Variants in HIP1 observed in about 807,000 individuals in gnomAD.
HIP1 encodes huntingtin-interacting protein 1.
A neutral mutation model predicts 147.6 loss-of-function variants in HIP1; 65 were observed. The ratio of observed to expected loss-of-function variants is 0.44; its 90% CI spans 0.36 to 0.54. The LOEUF (loss-of-function observed/expected upper bound fraction) is 0.54, where lower values mean the gene tolerates loss of function less well. HIP1 is among the 20% of genes least tolerant of loss of function. The pLI, the probability that HIP1 is intolerant of heterozygous loss-of-function variation, is 0.00. For missense variants in HIP1, 1,061 were observed against 1,299.6 expected (o/e 0.82, Z 2.82); for synonymous variants, 479 against 504.0 (o/e 0.95, Z 0.67).
chr7:75,537,182 C>G lies in HIP1; in HGVS notation c.*990G>C, dbSNP rs144924500. The G allele has an allele frequency of 8.6e-6, 2 of 232,804 alleles. No individual in the cohort carries two copies. Among genetic ancestry groups the G allele is most frequent in the African/African-American group, 4.4e-5 (2 of 45,422 alleles). 14.4% of individuals were successfully genotyped at this position (232,804 alleles called of 1,614,324 possible). A position where few individuals can be genotyped will look rare whatever the true frequency, so the allele number is the denominator to read the frequency against. ...TCAAGCATGTGATCAAGTTTTTGAG[C>G]CTCGTCACGGGAACTGGGCTGTGTG... On this transcript the variant is annotated 3_prime_UTR_variant, in exon 31 of 31. Transcript: ENST00000336926.
chr7:75,696,177 G>A (rs1332402761), intron 1 of HIP1, among the ~76,000 whole-genome samples: 12 of 150,616 alleles, frequency 8.0e-5, no homozygotes, highest in Non-Finnish European at 1.8e-4. Context: ...TTGTAGGGAT[G>A]GGTTCTCACT....
chr7:75,723,242 C>T (rs1554521924), intron 1 of HIP1, among the ~76,000 whole-genome samples: 1 of 152,030 alleles, frequency 6.6e-6, no homozygotes, highest in Non-Finnish European at 1.5e-5. Flanking sequence ...TGTGGTGGTG[C>T]GTCCCTGTAA....
rs1451814684 is a variant in HIP1 at position 75,535,123 on chromosome 7, T to C, written c.*3049A>G. The C allele has an allele frequency of 2.3e-5, 5 of 216,428 alleles. No homozygotes were observed. The highest frequency in any genetic ancestry group is 1.1e-4 in the African/African-American group (5 of 44,438). The allele number at this position is 216,428 out of a possible 1,614,324, so 13.4% of individuals were successfully genotyped here. ...GTGACATCTGACAGCTACTTCCTCA[T>C]GTGACACTGAATTAGCCTCTGCTTC... On this transcript the variant is annotated 3_prime_UTR_variant, in exon 31 of 31. Transcript: ENST00000336926.
intron 12 of HIP1, 141 bp from the exon 13 acceptor site, chr7:75,561,542 T>C: frequency 4.5e-6 from 3 of 662,950 alleles, no homozygotes; most frequent in Middle Eastern, 3.3e-4. Flanking sequence ...ACTCTAAATG[T>C]TACCAGATAC....
rs572192243 is a variant in HIP1 at position 75,730,585 on chromosome 7, C to A, written c.120+8216G>T. 3.3e-5 allele frequency among the ~76,000 whole-genome samples: 5 copies of A among 151,972 alleles called. No individual in the cohort carries two copies. The East Asian group carries it at 9.7e-4, about 30-fold the overall frequency. ...AACACCTGACCTCAGGTGATCCACC[C>A]GCCTCGGCCTCCCAAAGTGCTGGGA... On this transcript the variant is annotated intron_variant, in intron 1 of 30. Transcript: ENST00000336926.
chr7:75,615,440 T>C (rs1554505801), intron 1 of HIP1, among the ~76,000 whole-genome samples: 2 of 152,076 alleles, frequency 1.3e-5, no homozygotes, highest in Non-Finnish European at 2.9e-5. Context: ...TAGTGGTGGC[T>C]ACTTGGGAGG....
chr7:75,557,370 C>T (rs1395831477), intron 16 of HIP1, among the ~76,000 whole-genome samples: 2 of 152,088 alleles, frequency 1.3e-5, no homozygotes, highest in Non-Finnish European at 2.9e-5. Flanking sequence ...ACGCTCATCC[C>T]TCTCTCTCTG....
At chr7:75,638,073 T>TC (rs1798506047) in intron 1 of HIP1, among the ~76,000 whole-genome samples, 1 of 117,738 alleles carries the variant, frequency 8.5e-6, no homozygotes, top group African/African-American at 3.3e-5. Flanking sequence ...CCTGATTGCC[T>TC]CCCCCCTCCC....
chr7:75,673,023 C>CT (rs35559075), intron 1 of HIP1, among the ~76,000 whole-genome samples: 77,960 of 143,682 alleles, frequency 0.54, 21,213 homozygotes, highest in African/African-American at 0.59. Context: ...AGTCCACCAA[C>CT]TTTTTTTTTT....
At chr7:75,641,403 G>A (rs1346301281) in intron 1 of HIP1, among the ~76,000 whole-genome samples, 2 of 151,960 alleles carry the variant, frequency 1.3e-5, no homozygotes, top group East Asian at 1.9e-4. Flanking sequence ...GATTACAGGT[G>A]TGAGCCACCA....
chr7:75,623,772 G>C (rs887605001), intron 1 of HIP1, among the ~76,000 whole-genome samples: 1 of 152,086 alleles, frequency 6.6e-6, no homozygotes, highest in Non-Finnish European at 1.5e-5. Flanking sequence ...TTTCTGGCTT[G>C]TAAAGTGTTT....
chr7:75,553,162 T>C (rs1554492437), intron 22 of HIP1, among the ~76,000 whole-genome samples: 1 of 152,106 alleles, frequency 6.6e-6, no homozygotes, highest in Non-Finnish European at 1.5e-5. Flanking sequence ...GGTCTCTAGC[T>C]CTTGACCTCA....
At chr7:75,632,972 C>T (rs587748157) in intron 1 of HIP1, among the ~76,000 whole-genome samples, 2 of 152,144 alleles carry the variant, frequency 1.3e-5, no homozygotes, top group South Asian at 4.1e-4. Flanking sequence ...CACATGGACA[C>T]GTGGCAGGGA....
intron 22 of HIP1, among the ~76,000 whole-genome samples, chr7:75,552,363 T>C (rs782448118): frequency 1.3e-5 from 2 of 152,180 alleles, no homozygotes; most frequent in Non-Finnish European, 2.9e-5. Context: ...TATTTATTTA[T>C]AGCAGAGGCA....
chr7:75,647,334 G>A (rs1252792000), intron 1 of HIP1, among the ~76,000 whole-genome samples: 1 of 147,886 alleles, frequency 6.8e-6, no homozygotes, highest in East Asian at 2.1e-4. Context: ...GGAAGCAAAA[G>A]TTGCAGTGAG....
At chr7:75,544,630 T>C (rs587669928) in intron 27 of HIP1, 65 bp downstream of exon 27, 1 of 991,654 alleles carries the variant, frequency 1.0e-6, no homozygotes, top group Non-Finnish European at 1.6e-6. Context: ...CAAGTACTCT[T>C]TAACCTAGCC....
intron 1 of HIP1, among the ~76,000 whole-genome samples, chr7:75,640,360 G>A (rs1165565396): frequency 6.6e-6 from 1 of 152,226 alleles, no homozygotes; most frequent in African/African-American, 2.4e-5. Context: ...CTTCAGTAAG[G>A]ACCATCCAGC....
intron 23 of HIP1, 114 bp from the exon 24 acceptor site, chr7:75,547,927 G>A: frequency 1.1e-6 from 1 of 874,360 alleles, no homozygotes; most frequent in Non-Finnish European, 1.9e-6. Context: ...GAATCTGGAA[G>A]TCCCCAAGTC....
rs587613388 is a variant in HIP1, at chr7:75,535,279, G to C, written c.*2893C>G. On this transcript the variant is annotated 3_prime_UTR_variant, in exon 31 of 31. Coordinates refer to ENST00000336926, the MANE Select transcript of HIP1 (RefSeq NM_005338.7). ...TTTGTTTTTAAAGAGATGGAGTCTC[G>C]CTCTGTCACTCAGGCTGGAGTGCAG... The C allele has an allele frequency of 4.9e-4, 98 of 201,628 alleles. No individual in the cohort carries two copies. Among genetic ancestry groups the C allele is most frequent in the Admixed American group, 9.0e-4 (15 of 16,646 alleles). 12.5% of individuals were successfully genotyped at this position (201,628 alleles called of 1,614,324 possible).
Sources: gnomAD v4.1 joint callset for allele counts (sites outside exome capture counted in the v4.1 genomes callset) on GRCh38, gnomAD v4.1.1 for gene constraint, MANE v1.5 for transcripts, NCBI Gene and HGNC (gene_info 2026-07-23, HGNC 2026-07-21) for gene names.